Variants in BCAS3 observed in about 807,000 individuals in gnomAD.
BCAS3 encodes BCAS4/BCAS3 fusion.
In BCAS3, 53 loss-of-function variants were observed where a neutral mutation model predicts 116.1. That is an observed-to-expected ratio of 0.46 (90% CI 0.37 to 0.57). The LOEUF (loss-of-function observed/expected upper bound fraction) is 0.57. Ranked by LOEUF, BCAS3 falls within the 20% of genes least tolerant of loss-of-function variation. The probability of loss-of-function intolerance (pLI) is 0.00; values close to 1 mark genes in which losing one functional copy is unlikely to be tolerated. For missense variants in BCAS3, 917 were observed against 1,165.4 expected (o/e 0.79, Z 3.10); for synonymous variants, 391 against 408.2 (o/e 0.96, Z 0.51).
intron 12 of BCAS3, among the ~76,000 whole-genome samples, chr17:60,915,797 C>T (rs1567859564): frequency 6.6e-6 from 1 of 151,694 alleles, no homozygotes; most frequent in African/African-American, 2.4e-5. Flanking sequence ...ATTCTCCTGT[C>T]TCAGCCTCCT....
chr17:61,243,759 A>G lies in BCAS3; in HGVS notation c.2426-124568A>G, dbSNP rs367789626. Among the ~76,000 whole-genome samples the G allele has an allele frequency of 8.5e-5, 13 of 152,284 alleles. No individual in the cohort carries two copies. The South Asian group carries it at 2.7e-3, about 32-fold the overall frequency. On this transcript the variant is annotated intron_variant, in intron 22 of 23. Coordinates refer to ENST00000407086, the MANE Select transcript of BCAS3 (RefSeq NM_017679.5). The surrounding 1 kb of genome is among the most constrained non-coding windows in gnomAD (Gnocchi z 5.6). ...ACTTCAGGGAAAATAATAACTTATA[A>G]CTATTTTATGTAGTTGAGGGATGAG...
intron 6 of BCAS3, among the ~76,000 whole-genome samples, chr17:60,792,153 C>T (rs1213879679): frequency 6.6e-6 from 1 of 152,086 alleles, no homozygotes; most frequent in Non-Finnish European, 1.5e-5. Context: ...CAAAAATCCC[C>T]GTTGTGGCAA....
intron 5 of BCAS3, among the ~76,000 whole-genome samples, chr17:60,733,905 A>G (rs2040708325): frequency 6.6e-6 from 1 of 150,798 alleles, no homozygotes; most frequent in Non-Finnish European, 1.5e-5. Flanking sequence ...TATATTTTAG[A>G]TAACAGTACT....
At chr17:60,878,925 G>A (rs1210058527) in intron 9 of BCAS3, among the ~76,000 whole-genome samples, 1 of 151,980 alleles carries the variant, frequency 6.6e-6, no homozygotes, top group East Asian at 1.9e-4. Context: ...AGGAACAAAG[G>A]GTGCCACTTC....
At chr17:61,091,451 T>C (rs141809809) in intron 22 of BCAS3, among the ~76,000 whole-genome samples, 1 of 152,340 alleles carries the variant, frequency 6.6e-6, no homozygotes, top group African/African-American at 2.4e-5. Context: ...GGGAATTCCA[T>C]TTGTCTTAGT....
intron 22 of BCAS3, among the ~76,000 whole-genome samples, chr17:61,164,404 G>A (rs1442016248): frequency 6.6e-6 from 1 of 152,046 alleles, no homozygotes; most frequent in Admixed American, 6.6e-5. Context: ...TGTAATGCCA[G>A]CAACACTTTG....
intron 7 of BCAS3, among the ~76,000 whole-genome samples, chr17:60,839,429 T>C (rs995626592): frequency 1.3e-5 from 2 of 152,206 alleles, no homozygotes; most frequent in Non-Finnish European, 2.9e-5. Flanking sequence ...CCTGTTTTTG[T>C]GTGGAGATGT....
intron 9 of BCAS3, among the ~76,000 whole-genome samples, chr17:60,878,825 G>A (rs1329806093): frequency 6.6e-6 from 1 of 152,060 alleles, no homozygotes; most frequent in African/African-American, 2.4e-5. Context: ...GAAGGAATTT[G>A]GCCGATTTTC....
chr17:61,210,482 G>A (rs77808400), intron 22 of BCAS3, among the ~76,000 whole-genome samples: 2,144 of 152,314 alleles, frequency 0.014, 50 homozygotes, highest in African/African-American at 0.049. Flanking sequence ...TTGAAAGAGA[G>A]AGCCAGCAGT....
In BCAS3 at chr17:61,392,564, G is replaced by T. The variant is rs2060182392; in HGVS notation, c.*439G>T. On this transcript the variant is annotated 3_prime_UTR_variant, in exon 24 of 24. Transcript: ENST00000407086. The surrounding 1 kb of genome is among the most constrained non-coding windows in gnomAD (Gnocchi z 6.4). ...TCACAGCCTCAGCTCATGTCTGGCT[G>T]TGACACACACTGCCCCCAGCTTCCC... 6.4e-6 allele frequency: 1 copy of T among 156,232 alleles called. No homozygotes were observed. Among genetic ancestry groups the T allele is most frequent in the Admixed American group, 6.5e-5 (1 of 15,480 alleles). 9.7% of individuals were successfully genotyped at this position (156,232 alleles called of 1,614,324 possible).
At chr17:61,197,559 A>G in intron 22 of BCAS3, among the ~76,000 whole-genome samples, 1 of 152,246 alleles carries the variant, frequency 6.6e-6, no homozygotes, top group East Asian at 1.9e-4. Flanking sequence ...TGGAATGTCA[A>G]AACTAGAAGG....
intron 5 of BCAS3, among the ~76,000 whole-genome samples, chr17:60,714,463 A>C (rs1475507021): frequency 6.6e-6 from 1 of 152,164 alleles, no homozygotes. Context: ...CAAGAGTTTG[A>C]GACCATCCTA....
At chr17:60,823,870 G>A (rs2050162279) in intron 7 of BCAS3, among the ~76,000 whole-genome samples, 1 of 151,930 alleles carries the variant, frequency 6.6e-6, no homozygotes, top group African/African-American at 2.4e-5. Context: ...GTTTTTGTTT[G>A]TTTTAATTTT....
intron 5 of BCAS3, among the ~76,000 whole-genome samples, chr17:60,726,946 A>G (rs956915624): frequency 2.0e-5 from 3 of 152,128 alleles, no homozygotes; most frequent in African/African-American, 7.2e-5. Flanking sequence ...TATCCTGTCA[A>G]TTTTACTAGT....
At position 61,228,831 on chromosome 17, in the gene BCAS3, A is replaced by G. The variant is rs2082508768; in HGVS notation, c.2426-139496A>G. ...CCCCTACAATGGCCTCTAAGTGTTC[A>G]AGTGTAAAAAAGAGGTTCGCCTCTC... On this transcript the variant is annotated intron_variant, in intron 22 of 23. Transcript: ENST00000407086. This position sits in a 1 kb window ranked among gnomAD's most constrained non-coding sequence, Gnocchi z 5.0. 6.6e-6 allele frequency among the ~76,000 whole-genome samples: 1 copy of G among 152,196 alleles called. No homozygotes were observed. The highest frequency in any genetic ancestry group is 1.5e-5 in the Non-Finnish European group (1 of 68,034).
At chr17:60,903,813 TGA>T (rs907611532) in intron 11 of BCAS3, among the ~76,000 whole-genome samples, 1 of 152,226 alleles carries the variant, frequency 6.6e-6, no homozygotes, top group African/African-American at 2.4e-5. Flanking sequence ...AATGAAGAGC[TGA>T]GAGAGAGTAT....
chr17:60,786,959 G>A (rs559241637), intron 6 of BCAS3, among the ~76,000 whole-genome samples: 5 of 152,232 alleles, frequency 3.3e-5, no homozygotes, highest in African/African-American at 1.2e-4. Flanking sequence ...CATAAAGGTA[G>A]AAAGCATAGG....
At chr17:61,303,560 T>G (rs1352798975) in intron 22 of BCAS3, among the ~76,000 whole-genome samples, 1 of 152,214 alleles carries the variant, frequency 6.6e-6, no homozygotes, top group Non-Finnish European at 1.5e-5. Flanking sequence ...CCTCCTGCTG[T>G]CATTTCTCAT....
chr17:61,149,582 G>A (rs2077435348), intron 22 of BCAS3, among the ~76,000 whole-genome samples: 1 of 152,084 alleles, frequency 6.6e-6, no homozygotes, highest in South Asian at 2.1e-4. Context: ...ACATATGAGA[G>A]ATTTGTGAAC....
Sources: allele counts gnomAD v4.1 joint callset (sites outside exome capture counted in the v4.1 genomes callset), GRCh38; gene constraint gnomAD v4.1.1; non-coding constraint Gnocchi (gnomAD v3.1); transcripts MANE v1.5; gene names NCBI Gene and HGNC (gene_info 2026-07-23, HGNC 2026-07-21).